BABAM2: variants seen among roughly 807,000 people sequenced by gnomAD.
The protein encoded by BABAM2 is BRISC and BRCA1 A complex member 2, also known as BRISC and BRCA1-A complex member 2.
BABAM2 carries 31 observed loss-of-function variants against 54.7 expected under a neutral mutation model. That is an observed-to-expected ratio of 0.57 (90% confidence interval 0.43 to 0.77). The LOEUF is 0.77. Among genes scored for constraint, BABAM2 ranks in the 30% least tolerant of loss-of-function variants. The pLI is 0.00. For missense variants in BABAM2, 364 were observed against 455.8 expected (o/e 0.80, Z 1.83); for synonymous variants, 167 against 162.9 (o/e 1.03, Z -0.19).
chr2:28,181,784 AT>A lies in BABAM2; in HGVS notation c.680+52414del, dbSNP rs538738175. Among the ~76,000 whole-genome samples, 208 of 142,444 alleles carry A rather than the reference AT, an allele frequency of 1.5e-3. 1 individual carries two copies. The highest frequency in any genetic ancestry group is 5.9e-3 in the South Asian group (26 of 4,386). 93.4% of individuals were successfully genotyped at this position (142,444 alleles called of 152,430 possible). On this transcript the variant is annotated intron_variant, in intron 7 of 11. Transcript: ENST00000379624. Reference sequence around the variant, plus strand: ...AAAAAGAAAAATATGCACCAATAAAATTTTTTTTTTAAAAAAAAAAGACAAA... The same window carrying A: ...AAAAAGAAAAATATGCACCAATAAAATTTTTTTTTAAAAAAAAAAGACAAA...
At chr2:28,184,536 T>C (rs1265971346) in intron 7 of BABAM2, among the ~76,000 whole-genome samples, 1 of 142,584 alleles carries the variant, frequency 7.0e-6, no homozygotes, top group Non-Finnish European at 1.5e-5. Flanking sequence ...TGTCCAAGTG[T>C]TCTCATTGTT....
intron 5 of BABAM2, among the ~76,000 whole-genome samples, chr2:28,028,549 G>A (rs1169594818): frequency 6.6e-6 from 1 of 152,102 alleles, no homozygotes; most frequent in Non-Finnish European, 1.5e-5. Flanking sequence ...ATGAGGGCAG[G>A]GATCTTTGTT....
chr2:28,247,824 C>T (rs1331598387), intron 10 of BABAM2, among the ~76,000 whole-genome samples: 1 of 152,180 alleles, frequency 6.6e-6, no homozygotes, highest in South Asian at 2.1e-4. Context: ...GCTCTGACCT[C>T]AGACTTTGCC....
chr2:28,027,080 T>C (rs1472424190), intron 5 of BABAM2, among the ~76,000 whole-genome samples: 2 of 146,568 alleles, frequency 1.4e-5, no homozygotes, highest in Admixed American at 1.4e-4. Flanking sequence ...CCATCCATCA[T>C]TAATTTTGTC....
chr2:28,232,162 C>T (rs1290368046), intron 7 of BABAM2, among the ~76,000 whole-genome samples: 1 of 151,954 alleles, frequency 6.6e-6, no homozygotes, highest in African/African-American at 2.4e-5. Context: ...TGAGTAGAAC[C>T]AAAGAAAGAA....
chr2:28,253,753 A>C (rs946162774), intron 10 of BABAM2, among the ~76,000 whole-genome samples: 16 of 152,198 alleles, frequency 1.1e-4, no homozygotes, highest in African/African-American at 2.9e-4. Flanking sequence ...AGCCATGCAC[A>C]GGTCAGAGAG....
At chr2:27,949,533 C>CAA (rs1042311055) in intron 3 of BABAM2, among the ~76,000 whole-genome samples, 3 of 73,768 alleles carry the variant, frequency 4.1e-5, no homozygotes, top group Non-Finnish European at 5.7e-5. Flanking sequence ...GATTCCGTCT[C>CAA]AAAAAAAAAA....
chr2:27,950,025 G>A (rs149502366), intron 3 of BABAM2, among the ~76,000 whole-genome samples: 3 of 152,222 alleles, frequency 2.0e-5, no homozygotes, highest in East Asian at 1.9e-4. Context: ...GCAAGTGTTC[G>A]TAATGAATTT....
intron 7 of BABAM2, among the ~76,000 whole-genome samples, chr2:28,169,462 G>A (rs888391510): frequency 3.3e-5 from 5 of 151,878 alleles, no homozygotes; most frequent in Non-Finnish European, 5.9e-5. Context: ...TATGTTCTTT[G>A]TGACCTCTTA....
At chr2:28,078,768 C>T (rs1364142449) in intron 6 of BABAM2, among the ~76,000 whole-genome samples, 1 of 152,034 alleles carries the variant, frequency 6.6e-6, no homozygotes, top group African/African-American at 2.4e-5. Flanking sequence ...TGGAGATGTC[C>T]AGTAGCTAGG....
chr2:27,993,912 T>C (rs892475300), intron 4 of BABAM2, among the ~76,000 whole-genome samples: 1 of 152,162 alleles, frequency 6.6e-6, no homozygotes, highest in African/African-American at 2.4e-5. Context: ...ATCCCCAGTA[T>C]ACACAAAATA....
chr2:28,026,916 T>A (rs188615136), intron 5 of BABAM2, among the ~76,000 whole-genome samples: 2,295 of 34,200 alleles, frequency 0.067, 125 homozygotes, highest in African/African-American at 0.083. Flanking sequence ...AAATATATAT[T>A]AATATATATA....
chr2:28,040,350 G>A (rs918816514), intron 5 of BABAM2, among the ~76,000 whole-genome samples: 8 of 123,088 alleles, frequency 6.5e-5, no homozygotes, highest in African/African-American at 2.5e-4. Flanking sequence ...GCCCAGGCTG[G>A]AGTGCAGTGG....
chr2:28,043,943 T>C (rs1444891730), intron 5 of BABAM2, among the ~76,000 whole-genome samples: 1 of 152,184 alleles, frequency 6.6e-6, no homozygotes, highest in African/African-American at 2.4e-5. Context: ...TTTCTCACCA[T>C]TGGCATTCCT....
At chr2:27,898,959 A>G (rs990510021) in intron 2 of BABAM2, among the ~76,000 whole-genome samples, 8 of 148,904 alleles carry the variant, frequency 5.4e-5, no homozygotes, top group Admixed American at 1.3e-4. Flanking sequence ...GCTGTCATTA[A>G]AAAAAAAAAA....
intron 5 of BABAM2, among the ~76,000 whole-genome samples, chr2:28,045,053 G>A (rs1173171686): frequency 8.6e-5 from 13 of 151,696 alleles, no homozygotes; most frequent in African/African-American, 1.9e-4. Flanking sequence ...AGAGGCAGAC[G>A]TTTTTCTTTT....
At chr2:28,148,598 G>A (rs961412291) in intron 7 of BABAM2, among the ~76,000 whole-genome samples, 1 of 152,104 alleles carries the variant, frequency 6.6e-6, no homozygotes, top group African/African-American at 2.4e-5. Context: ...TGGAGGATGG[G>A]CCAGGAGCTA....
chr2:28,064,624 A>G (rs533463680), intron 6 of BABAM2, among the ~76,000 whole-genome samples: 72 of 152,306 alleles, frequency 4.7e-4, no homozygotes, highest in African/African-American at 1.7e-3. Context: ...GAAAATTGTC[A>G]TAGACCCATA....
chr2:28,331,017 G>A (rs992142115), intron 11 of BABAM2, among the ~76,000 whole-genome samples: 4 of 151,996 alleles, frequency 2.6e-5, no homozygotes, highest in Non-Finnish European at 4.4e-5. Flanking sequence ...AAATAAGGCC[G>A]CACATCTACA....
Sources: allele counts gnomAD v4.1 joint callset (sites outside exome capture counted in the v4.1 genomes callset), GRCh38; gene constraint gnomAD v4.1.1; transcripts MANE v1.5; gene names NCBI Gene and HGNC (gene_info 2026-07-23, HGNC 2026-07-21).